The following ZNF853 variants were observed in gnomAD, a reference collection of about 807,000 sequenced individuals.
ZNF853 encodes zinc finger protein 853.
A neutral mutation model predicts 94.7 loss-of-function variants in ZNF853; 57 were observed. The ratio of observed to expected loss-of-function variants is 0.60; its 90% CI spans 0.49 to 0.75. The LOEUF (loss-of-function observed/expected upper bound fraction) is 0.75, where lower values mean the gene tolerates loss of function less well. ZNF853 is among the 30% of genes least tolerant of loss of function. ZNF853 has a pLI of 0.00. For missense variants in ZNF853, 785 were observed against 868.9 expected, an observed-to-expected ratio of 0.90 and a Z score of 1.21; for synonymous variants, 448 against 406.3, an observed-to-expected ratio of 1.10 and a Z score of -1.23.
At position 6,623,667 on chromosome 7, in the gene ZNF853, C is replaced by T. The variant is rs924316130; in HGVS notation, c.*696C>T. The T allele has an allele frequency of 2.9e-5, 7 of 241,694 alleles. No homozygotes were observed. The highest frequency in any genetic ancestry group is 1.1e-4 in the African/African-American group (5 of 44,856). The allele number at this position is 241,694 out of a possible 1,614,324, so 15.0% of individuals were successfully genotyped here. ...CCCTCCAGGGAACCAGGGGCTCCGG[C>T]GGGCATCGGAGGCAGCTTCTTGGCC... On this transcript the variant is annotated 3_prime_UTR_variant, in exon 3 of 3. Transcript: ENST00000457543.
chr7:6,622,684 G>A lies in ZNF853; in HGVS notation c.1693G>A (p.Gly565Arg), dbSNP rs1292916696. 14 of 1,578,120 alleles carry A rather than the reference G, an allele frequency of 8.9e-6. No individual in the cohort carries two copies. The highest frequency in any genetic ancestry group is 1.4e-5 in the African/African-American group (1 of 73,812). The change falls in exon 3 of 3, where the codon GGG becomes AGG. Residue 565 changes from glycine to arginine, a missense_variant. Coordinates refer to ENST00000457543, the MANE Select transcript of ZNF853 (RefSeq NM_017560.3). ...ALVQHQRTHT[G>R]ERPYACGDCG... ...CGTGCAGCACCAGCGCACGCACACC[G>A]GGGAGCGACCCTACGCCTGCGGGGA...
chr7:6,622,253 G>C lies in ZNF853; in HGVS notation c.1262G>C (p.Gly421Ala), dbSNP rs1381767490. Reference protein sequence around the residue: ...LQLELVPAAGGGGAAVPGAPA... With the variant: ...LQLELVPAAGAGGAAVPGAPA... ...CTGGAACTGGTGCCAGCCGCAGGGG[G>C]CGGCGGAGCGGCGGTCCCGGGGGCT... The change falls in exon 3 of 3, where the codon GGC (glycine) becomes GCC (alanine). Residue 421 changes from glycine to alanine, a missense_variant. Gly to Ala is a moderately conservative substitution (Grantham distance 60). Transcript: ENST00000457543. 6.6e-7 allele frequency: 1 copy of C among 1,512,872 alleles called. No homozygotes were observed. Among genetic ancestry groups the C allele is most frequent in the South Asian group, 1.2e-5 (1 of 80,250 alleles). The allele number at this position is 1,512,872 out of a possible 1,614,324, so 93.7% of individuals were successfully genotyped here.
At position 6,621,752 on chromosome 7, in the gene ZNF853, T is replaced by A. The variant is rs1169370946; in HGVS notation, c.761T>A (p.Leu254Gln). 6 of 1,549,386 alleles carry A rather than the reference T, an allele frequency of 3.9e-6. No individual in the cohort carries two copies. The highest frequency in any genetic ancestry group is 2.6e-6 in the Non-Finnish European group (3 of 1,146,650). ...CAGCAGGGACAGTTACAGCAGCAAC[T>A]GTTGCAGCAGCAGCAGGCACAGTTA... The part of the protein sequence containing the change: ...LQQQGQLQQQ[L>Q]LQQQQAQLQQ... Residue 254 changes from leucine to glutamine, a missense_variant, in exon 3 of 3, where the codon CTG becomes CAG. Leu to Gln is a moderately radical substitution (Grantham distance 113). Coordinates refer to ENST00000457543, the MANE Select transcript of ZNF853 (RefSeq NM_017560.3).
rs1782651540 is a variant in ZNF853 at position 6,622,484 on chromosome 7, C to T, written c.1493C>T (p.Thr498Met). ...GECGKGFSRS[T>M]DLVRHQATHT... Reference sequence around the variant, plus strand: ...TGCGGCAAGGGCTTCAGCCGCAGCACGGACCTGGTGCGCCACCAGGCCACG... The same window carrying T: ...TGCGGCAAGGGCTTCAGCCGCAGCATGGACCTGGTGCGCCACCAGGCCACG... The change falls in exon 3 of 3, where the codon ACG (threonine) becomes ATG (methionine). Residue 498 changes from threonine to methionine, a missense_variant. Coordinates refer to ENST00000457543, the MANE Select transcript of ZNF853 (RefSeq NM_017560.3). 3 of 1,538,686 alleles carry T rather than the reference C, an allele frequency of 1.9e-6. No homozygotes were observed. The highest frequency in any genetic ancestry group is 2.0e-5 in the Admixed American group (1 of 50,390).
At chr7:6,619,969 T>C in intron 2 of ZNF853, among the ~76,000 whole-genome samples, 6 of 152,198 alleles carry the variant, frequency 3.9e-5, no homozygotes, top group Admixed American at 3.3e-4. Context: ...CCCAGTCTCC[T>C]TGGTATTTTT....
Position 6,621,643 on chromosome 7 carries a change from C to G in ZNF853, c.652C>G (p.Gln218Glu). ...QEQLQQQQLL[Q>E]QQEQLQQQQF... is the part of the protein sequence containing the mutation. ...ACAGTTACAGCAGCAGCAGCTGCTA[C>G]AACAGCAGGAACAGTTACAGCAGCA... is the stretch of plus-strand genomic sequence containing the variant. The change falls in exon 3 of 3, where the codon CAA becomes GAA. Residue 218 changes from glutamine to glutamate, a missense_variant. Coordinates refer to ENST00000457543, the MANE Select transcript of ZNF853 (RefSeq NM_017560.3). 1.3e-6 allele frequency: 2 copies of G among 1,550,068 alleles called. No homozygotes were observed. Among genetic ancestry groups the G allele is most frequent in the Non-Finnish European group, 1.7e-6 (2 of 1,145,544 alleles).
Position 6,622,137 on chromosome 7 carries a change from G to A in ZNF853, c.1146G>A (p.Gln382=). ...LEQQQQQLEQ[Q]EVQLELTPVE... ...AGCAGCAGCAGCAGCTGGAGCAGCA[G>A]GAGGTGCAGCTGGAGCTGACCCCGG... Residue 382 remains glutamine (Q), a synonymous_variant, in exon 3 of 3, where the codon CAG becomes CAA. Transcript: ENST00000457543. The A allele has an allele frequency of 6.5e-7, 1 of 1,544,736 alleles. No individual in the cohort carries two copies. The highest frequency in any genetic ancestry group is 8.7e-7 in the Non-Finnish European group (1 of 1,146,642).
chr7:6,622,779 C>T lies in ZNF853; in HGVS notation c.1788C>T (p.Pro596=). 1 of 1,541,190 alleles carries T rather than the reference C, an allele frequency of 6.5e-7. No individual in the cohort carries two copies. Among genetic ancestry groups the T allele is most frequent in the African/African-American group, 1.4e-5 (1 of 73,108 alleles). Reference sequence around the variant, plus strand: ...GGCGCACGCACTCGGGCGAGCGGCCCTACGTGTGCGAGGACTGTGGCGAGC... The same window carrying T: ...GGCGCACGCACTCGGGCGAGCGGCCTTACGTGTGCGAGGACTGTGGCGAGC... ...RHRRTHSGER[P]YVCEDCGERF... is the part of the protein sequence containing the mutation. The change falls in exon 3 of 3, where the codon CCC becomes CCT. Residue 596 remains proline, a synonymous_variant. Transcript: ENST00000457543.
chr7:6,617,766 T>A, intron 2 of ZNF853: 2 of 431,082 alleles, frequency 4.6e-6, no homozygotes, highest in Middle Eastern at 1.2e-3. Context: ...GCTTGACCTC[T>A]GCTTGCATCT....
rs1782674802 is a variant in ZNF853, at chr7:6,623,127, C to T, written c.*156C>T. The T allele has an allele frequency of 1.6e-6, 1 of 638,294 alleles. No individual in the cohort carries two copies. The highest frequency in any genetic ancestry group is 1.9e-5 in the African/African-American group (1 of 53,342). The allele number at this position is 638,294 out of a possible 1,614,324, so 39.5% of individuals were successfully genotyped here. ...ATCATCATCATCATCTTCCGGATTC[C>T]CTGAGAAAATACCAGGTTCACAGAT... On this transcript the variant is annotated 3_prime_UTR_variant, in exon 3 of 3. Coordinates refer to ENST00000457543, the MANE Select transcript of ZNF853 (RefSeq NM_017560.3).
At chr7:6,616,450 T>G in intron 1 of ZNF853, among the ~76,000 whole-genome samples, 1 of 152,074 alleles carries the variant, frequency 6.6e-6, no homozygotes, top group African/African-American at 2.4e-5. Flanking sequence ...GGCAATAGAA[T>G]GGAAGGGCGC....
chr7:6,615,742 C>G lies in ZNF853; in HGVS notation c.-433C>G, dbSNP rs1782486770. On this transcript the variant is annotated 5_prime_UTR_variant, in exon 1 of 3. Coordinates refer to ENST00000457543, the MANE Select transcript of ZNF853 (RefSeq NM_017560.3). This position sits in a 1 kb window ranked among gnomAD's most constrained non-coding sequence, Gnocchi z 8.5. ...CGCGCGGCCCGGCCCAGGCCGCCCGCAGGCTCCGGGCACCTGTAGCCCCCG... is the reference window on the plus strand; with the variant it reads ...CGCGCGGCCCGGCCCAGGCCGCCCGGAGGCTCCGGGCACCTGTAGCCCCCG... The G allele has an allele frequency of 6.9e-6, 1 of 145,474 alleles. No individual in the cohort carries two copies. Among genetic ancestry groups the G allele is most frequent in the South Asian group, 1.9e-4 (1 of 5,280 alleles). The allele number at this position is 145,474 out of a possible 1,614,324, so 9.0% of individuals were successfully genotyped here. A position where few individuals can be genotyped will look rare whatever the true frequency, so the allele number is the denominator to read the frequency against.
At chr7:6,617,390 G>A in intron 2 of ZNF853, 83 bp downstream of exon 2, 1 of 1,146,324 alleles carries the variant, frequency 8.7e-7, no homozygotes, top group African/African-American at 1.6e-5. Flanking sequence ...CGGGCAGCCT[G>A]CACAGACTCA....
chr7:6,618,367 A>C, intron 2 of ZNF853, among the ~76,000 whole-genome samples: 1 of 152,072 alleles, frequency 6.6e-6, no homozygotes, highest in Non-Finnish European at 1.5e-5. Flanking sequence ...TTGGGAGGGT[A>C]TACACGTCAG....
chr7:6,622,686 G>C lies in ZNF853; in HGVS notation c.1695G>C (p.Gly565=). 6.3e-7 allele frequency: 1 copy of C among 1,577,872 alleles called. No homozygotes were observed. The highest frequency in any genetic ancestry group is 8.6e-7 in the Non-Finnish European group (1 of 1,163,436). The part of the protein sequence containing the change: ...ALVQHQRTHT[G]ERPYACGDCG... Reference sequence around the variant, plus strand: ...TGCAGCACCAGCGCACGCACACCGGGGAGCGACCCTACGCCTGCGGGGACT... The same window carrying C: ...TGCAGCACCAGCGCACGCACACCGGCGAGCGACCCTACGCCTGCGGGGACT... The change falls in exon 3 of 3, where the codon GGG becomes GGC. Residue 565 remains glycine (G), a synonymous_variant. Coordinates refer to ENST00000457543, the MANE Select transcript of ZNF853 (RefSeq NM_017560.3).
At chr7:6,617,141 G>T in intron 1 of ZNF853, 49 bp from the exon 2 acceptor site, 4 of 1,464,430 alleles carry the variant, frequency 2.7e-6, no homozygotes, top group Non-Finnish European at 3.7e-6. Flanking sequence ...ACCTGGCGGG[G>T]GTCAAAGCAC....
chr7:6,617,608 C>A lies in ZNF853; in HGVS notation c.130+301C>A, dbSNP rs961030491. The A allele has an allele frequency of 4.1e-6, 4 of 985,340 alleles. No individual in the cohort carries two copies. In the African/African-American group the frequency reaches 7.0e-5, roughly 17 times the overall value. 61.0% of individuals were successfully genotyped at this position (985,340 alleles called of 1,614,324 possible). On this transcript the variant is annotated intron_variant, in intron 2 of 2. Coordinates refer to ENST00000457543, the MANE Select transcript of ZNF853 (RefSeq NM_017560.3). The stretch of plus-strand genomic sequence containing the variant: ...AGCCAGAGGGCCTCCACCATCCTCC[C>A]ACCTGGCCCCAGCTCCTGAGTCAAT...
In ZNF853 at chr7:6,621,827, T is replaced by TGCTGCAGCAGCAGGAACAGTTACA. The variant is rs1478548498; in HGVS notation, c.839_862dup (p.Leu280_Gln287dup). ...CAGGCACAGTTACAGCAGCAGCTAC[T>TGCTGCAGCAGCAGGAACAGTTACA]GCTGCAGCAGCAGGAACAGTTACAG... On this transcript the variant is annotated inframe_insertion, in exon 3 of 3. Transcript: ENST00000457543. 2 of 1,550,474 alleles carry TGCTGCAGCAGCAGGAACAGTTACA rather than the reference T, an allele frequency of 1.3e-6. No homozygotes were observed. The highest frequency in any genetic ancestry group is 1.7e-6 in the Non-Finnish European group (2 of 1,146,656).
chr7:6,624,179 T>G lies in ZNF853; in HGVS notation c.*1208T>G, dbSNP rs1419898805. The G allele has an allele frequency of 6.6e-6, 1 of 152,206 alleles. No homozygotes were observed. The highest frequency in any genetic ancestry group is 1.5e-5 in the Non-Finnish European group (1 of 68,062). 9.4% of individuals were successfully genotyped at this position (152,206 alleles called of 1,614,324 possible). On this transcript the variant is annotated 3_prime_UTR_variant, in exon 3 of 3. Transcript: ENST00000457543. ...TCTTCACATGTGGCTGCTTAATTCC[T>G]GCCCCTCTCCCCCCAGCTGCTTCTC...
Sources: gnomAD v4.1 joint callset for allele counts (sites outside exome capture counted in the v4.1 genomes callset) on GRCh38, gnomAD v4.1.1 for gene constraint, Gnocchi (gnomAD v3.1) non-coding constraint, MANE v1.5 for transcripts, NCBI Gene and HGNC (gene_info 2026-07-23, HGNC 2026-07-21) for gene names.